The following CACNA1E variants were observed in gnomAD, a reference collection of about 807,000 sequenced individuals.
CACNA1E encodes calcium voltage-gated channel subunit alpha1 E, also known as voltage-dependent R-type calcium channel subunit alpha-1E.
A neutral mutation model predicts 259.2 loss-of-function variants in CACNA1E; 40 were observed. That is an observed-to-expected ratio of 0.15 (90% CI 0.12 to 0.20). CACNA1E has a LOEUF of 0.20. Ranked by LOEUF, CACNA1E falls within the 10% of genes least tolerant of loss-of-function variation. CACNA1E has a pLI of 1.00. For synonymous variants in CACNA1E, 1,104 were observed against 1,138.5 expected (o/e 0.97, Z 0.61); for missense variants, 1,874 against 3,040.1 (o/e 0.62, Z 9.02).
At chr1:181,563,294 G>C (rs538475512) in intron 3 of CACNA1E, among the ~76,000 whole-genome samples, 76 of 152,252 alleles carry the variant, frequency 5.0e-4, no homozygotes, top group African/African-American at 1.8e-3. Flanking sequence ...GGCAGAACTA[G>C]GAAAGTAGAA....
intron 2 of CACNA1E, among the ~76,000 whole-genome samples, chr1:181,469,473 T>C (rs771086210): frequency 1.3e-5 from 2 of 151,874 alleles, no homozygotes; most frequent in Non-Finnish European, 2.9e-5. Flanking sequence ...AACAAACTGA[T>C]TCATGGTGCT....
At chr1:181,352,051 T>G (rs1402611897) in intron 1 of CACNA1E, among the ~76,000 whole-genome samples, 5 of 152,238 alleles carry the variant, frequency 3.3e-5, no homozygotes, top group Admixed American at 3.3e-4. Context: ...CAATATGCTC[T>G]GGTAAAATGC....
intron 2 of CACNA1E, among the ~76,000 whole-genome samples, chr1:181,446,935 C>T (rs1262503365): frequency 6.6e-6 from 1 of 152,068 alleles, no homozygotes; most frequent in Non-Finnish European, 1.5e-5. Context: ...TTGAACTGCA[C>T]CTGTTGGACT....
intron 1 of CACNA1E, among the ~76,000 whole-genome samples, chr1:181,327,607 A>C (rs1420088814): frequency 6.6e-6 from 1 of 152,132 alleles, no homozygotes; most frequent in Non-Finnish European, 1.5e-5. Context: ...TCCTCAATAT[A>C]TTGTCTAGAA....
At chr1:181,722,809 G>A (rs1654531624) in intron 16 of CACNA1E, among the ~76,000 whole-genome samples, 1 of 152,182 alleles carries the variant, frequency 6.6e-6, no homozygotes, top group South Asian at 2.1e-4. Context: ...GAGAAGACAT[G>A]CTGTTTTACG....
chr1:181,675,833 T>C (rs1649315921), intron 7 of CACNA1E, among the ~76,000 whole-genome samples: 1 of 152,182 alleles, frequency 6.6e-6, no homozygotes, highest in South Asian at 2.1e-4. Context: ...TCCCGGGCTC[T>C]GGACAATGCG....
intron 37 of CACNA1E, among the ~76,000 whole-genome samples, chr1:181,775,470 CT>C (rs1272159837): frequency 6.6e-6 from 1 of 152,182 alleles, no homozygotes; most frequent in Non-Finnish European, 1.5e-5. Flanking sequence ...CTACATGCTG[CT>C]ACCAAGAGTT....
intron 1 of CACNA1E, among the ~76,000 whole-genome samples, chr1:181,491,583 C>T (rs767923558): frequency 3.3e-5 from 5 of 152,186 alleles, no homozygotes; most frequent in Non-Finnish European, 7.3e-5. Flanking sequence ...TCTCATTTAC[C>T]AGCTAAAGCC....
At chr1:181,505,663 C>T (rs549741192) in intron 1 of CACNA1E, among the ~76,000 whole-genome samples, 14 of 152,052 alleles carry the variant, frequency 9.2e-5, no homozygotes, top group East Asian at 1.9e-4. Flanking sequence ...CGTGAGCCAC[C>T]GCACCTGGCC....
rs185612001 is a variant in CACNA1E, at chr1:181,462,048, T to C, written c.435-21696T>C. 1.6e-3 allele frequency among the ~76,000 whole-genome samples: 242 copies of C among 152,348 alleles called. 3 individuals carry two copies. The highest frequency in any genetic ancestry group is 0.016 in the East Asian group (81 of 5,188). ...AGCTTTACTGATTAATAATATATTA[T>C]GAACAGTGTACTGTGTCATTAAATA... is the stretch of plus-strand genomic sequence containing the variant. On this transcript the variant is annotated intron_variant, in intron 2 of 11. Coordinates refer to the CACNA1E transcript ENST00000524607.
At chr1:181,519,418 A>G (rs746819898) in intron 3 of CACNA1E, among the ~76,000 whole-genome samples, 7 of 152,156 alleles carry the variant, frequency 4.6e-5, no homozygotes, top group African/African-American at 7.2e-5. Flanking sequence ...TGGTTACCAA[A>G]GGGAAGGGGC....
At chr1:181,422,528 T>TA (rs1445599649) in intron 2 of CACNA1E, among the ~76,000 whole-genome samples, 4 of 152,150 alleles carry the variant, frequency 2.6e-5, no homozygotes, top group African/African-American at 9.7e-5. Flanking sequence ...TTGGTTAACT[T>TA]ACAGGTTGTA....
At chr1:181,357,558 C>T (rs1159556497) in intron 1 of CACNA1E, among the ~76,000 whole-genome samples, 1 of 152,140 alleles carries the variant, frequency 6.6e-6, no homozygotes, top group African/African-American at 2.4e-5. Context: ...GCCAGGCAGC[C>T]TCTGTGAGTT....
chr1:181,507,562 G>A (rs1301885150), intron 1 of CACNA1E, among the ~76,000 whole-genome samples: 5 of 152,188 alleles, frequency 3.3e-5, no homozygotes, highest in Admixed American at 6.5e-5. Flanking sequence ...GGGCAGTGGA[G>A]GAGCTGCCAT....
In CACNA1E at chr1:181,682,829, C is replaced by T. The variant is rs78004862; in HGVS notation, c.1056-28125C>T. Among the ~76,000 whole-genome samples the T allele has an allele frequency of 7.8e-3, 1,181 of 152,250 alleles. 10 individuals are homozygous for T. The highest frequency in any genetic ancestry group is 0.024 in the Admixed American group (369 of 15,282). On this transcript the variant is annotated intron_variant, in intron 7 of 47. Transcript: ENST00000367573. ...GAACTTACTATCACAAGAGCAGCACCGAGGGGATGCTGCTAAATCATTCAT... is the reference window on the plus strand; with the variant it reads ...GAACTTACTATCACAAGAGCAGCACTGAGGGGATGCTGCTAAATCATTCAT...
chr1:181,559,234 A>G (rs903973783), intron 3 of CACNA1E, among the ~76,000 whole-genome samples: 5 of 152,272 alleles, frequency 3.3e-5, no homozygotes, highest in Admixed American at 2.6e-4. Context: ...TCTGACTTAC[A>G]CCCTAGAAAT....
In CACNA1E at chr1:181,758,145, C is replaced by T. The variant is rs2102695369; in HGVS notation, c.4494+34C>T. 5.6e-6 allele frequency: 9 copies of T among 1,598,486 alleles called. No homozygotes were observed. The highest frequency in any genetic ancestry group is 7.7e-6 in the Non-Finnish European group (9 of 1,169,218). On this transcript the variant is annotated intron_variant, in intron 31 of 47. Transcript: ENST00000367573. This position sits in a 1 kb window ranked among gnomAD's most constrained non-coding sequence, Gnocchi z 4.2. ...AGAGAGGCACAAGAGCCGACTGAGC[C>T]CCAGCGATGGTTCCCTCCCAGGGCA...
chr1:181,614,294 T>C (rs1388511442), intron 6 of CACNA1E, among the ~76,000 whole-genome samples: 1 of 152,216 alleles, frequency 6.6e-6, no homozygotes, highest in Non-Finnish European at 1.5e-5. Flanking sequence ...CCTCAATTTA[T>C]GGCAAATATC....
At chr1:181,797,285 A>T (rs1320584173) in intron 47 of CACNA1E, among the ~76,000 whole-genome samples, 1 of 152,220 alleles carries the variant, frequency 6.6e-6, no homozygotes, top group Non-Finnish European at 1.5e-5. Context: ...CCTAGCTTGC[A>T]GCCGTCCCAG....
Sources: gnomAD v4.1 joint callset for allele counts (sites outside exome capture counted in the v4.1 genomes callset) on GRCh38, gnomAD v4.1.1 for gene constraint, Gnocchi (gnomAD v3.1) non-coding constraint, MANE v1.5 for transcripts, NCBI Gene and HGNC (gene_info 2026-07-23, HGNC 2026-07-21) for gene names.